The following GABPB2 variants were observed in gnomAD, a reference collection of about 807,000 sequenced individuals.
GABPB2 encodes GA-binding protein subunit beta-2.
In GABPB2, 23 loss-of-function variants were observed where a neutral mutation model predicts 39.1. The ratio of observed to expected loss-of-function variants is 0.59; its 90% CI spans 0.42 to 0.83. The LOEUF (loss-of-function observed/expected upper bound fraction) is 0.83, where lower values mean the gene tolerates loss of function less well. GABPB2 is among the 40% of genes least tolerant of loss of function. The probability of loss-of-function intolerance (pLI) is 0.00; values close to 1 mark genes in which losing one functional copy is unlikely to be tolerated. For synonymous variants in GABPB2, 184 were observed against 199.3 expected (o/e 0.92, Z 0.65); for missense variants, 467 against 541.1 (o/e 0.86, Z 1.36).
chr1:151,108,867 C>T (rs2101552659), intron 7 of GABPB2, among the ~76,000 whole-genome samples: 1 of 152,258 alleles, frequency 6.6e-6, no homozygotes, highest in Admixed American at 6.6e-5. Flanking sequence ...CCCATCATTA[C>T]AACTCCATGC....
chr1:151,094,731 G>T (rs1678979772), intron 4 of GABPB2, among the ~76,000 whole-genome samples: 1 of 150,586 alleles, frequency 6.6e-6, no homozygotes, highest in African/African-American at 2.4e-5. Flanking sequence ...CATGGGCCAG[G>T]CGTGGTGGCT....
intron 1 of GABPB2, among the ~76,000 whole-genome samples, chr1:151,086,289 C>T (rs1310597642): frequency 1.3e-5 from 2 of 152,024 alleles, no homozygotes; most frequent in Non-Finnish European, 1.5e-5. Flanking sequence ...TTTTGTCACA[C>T]ATAAATTATA....
At chr1:151,074,322 T>C (rs1208806722) in intron 1 of GABPB2, among the ~76,000 whole-genome samples, 5 of 145,074 alleles carry the variant, frequency 3.4e-5, no homozygotes, top group Non-Finnish European at 7.6e-5. Flanking sequence ...TTTTTTTTTT[T>C]TTTTTCCAGA....
intron 1 of GABPB2, among the ~76,000 whole-genome samples, chr1:151,083,806 A>G (rs1437716501): frequency 1.3e-5 from 2 of 150,660 alleles, no homozygotes; most frequent in East Asian, 1.9e-4. Context: ...CCTTGGTGCA[A>G]TCTTGGCTCA....
intron 1 of GABPB2, among the ~76,000 whole-genome samples, chr1:151,082,975 CA>C (rs751689061): frequency 0.14 from 16,010 of 116,588 alleles, 917 homozygotes; most frequent in Non-Finnish European, 0.17. Flanking sequence ...GACCCTGTCT[CA>C]AAAAAAAAAA....
chr1:151,094,043 CTTTTTT>C (rs59092942), intron 4 of GABPB2, among the ~76,000 whole-genome samples: 3 of 54,014 alleles, frequency 5.6e-5, no homozygotes, highest in African/African-American at 7.5e-5. Context: ...TGATTTCGTC[CTTTTTT>C]TTTTTTTTTT....
In GABPB2 at chr1:151,107,074, C is replaced by G; in HGVS notation, c.774C>G (p.Asp258Glu). Reference sequence around the variant, plus strand: ...AAATTATAGAAGGAAATTCCGTTGACTCATCAATCCAGCAAGTAATGGGGA... The same window carrying G: ...AAATTATAGAAGGAAATTCCGTTGAGTCATCAATCCAGCAAGTAATGGGGA... ...TEEIIEGNSV[D>E]SSIQQVMGSG... Residue 258 changes from aspartate (D) to glutamate (E), a missense_variant, in exon 7 of 9, where the codon GAC (aspartate) becomes GAG (glutamate). By Grantham distance (45) the Asp-to-Glu change is conservative (BLOSUM62 2). Coordinates refer to ENST00000368918, the MANE Select transcript of GABPB2 (RefSeq NM_144618.3). The G allele has an allele frequency of 1.2e-6, 2 of 1,610,680 alleles. No individual in the cohort carries two copies. The highest frequency in any genetic ancestry group is 1.7e-6 in the Non-Finnish European group (2 of 1,178,816).
intron 7 of GABPB2, among the ~76,000 whole-genome samples, chr1:151,114,246 C>T (rs1233651447): frequency 6.6e-6 from 1 of 151,688 alleles, no homozygotes; most frequent in Non-Finnish European, 1.5e-5. Flanking sequence ...GTCCCAGCTA[C>T]TTGGGAGGGT....
At chr1:151,082,806 C>A (rs1396098821) in intron 1 of GABPB2, among the ~76,000 whole-genome samples, 1 of 151,414 alleles carries the variant, frequency 6.6e-6, no homozygotes, top group African/African-American at 2.4e-5. Context: ...CAAAACTGCA[C>A]CTCTACAAAA....
chr1:151,097,792 A>AC (rs1679207636), intron 4 of GABPB2, 60 bp from the exon 5 acceptor site: 1 of 1,523,264 alleles, frequency 6.6e-7, no homozygotes, highest in Non-Finnish European at 8.9e-7. Flanking sequence ...AAAAAAAAAG[A>AC]AAGACAGAAA....
intron 1 of GABPB2, among the ~76,000 whole-genome samples, chr1:151,080,572 G>A (rs1465779466): frequency 6.6e-6 from 1 of 150,512 alleles, no homozygotes; most frequent in African/African-American, 2.4e-5. Flanking sequence ...TTTAGGCCAG[G>A]TACAGTGGCT....
intron 1 of GABPB2, among the ~76,000 whole-genome samples, chr1:151,077,097 A>G (rs899273618): frequency 6.6e-6 from 1 of 152,140 alleles, no homozygotes; most frequent in African/African-American, 2.4e-5. Flanking sequence ...TATAAAGTGC[A>G]GCAAGAATAA....
chr1:151,103,705 C>T, intron 6 of GABPB2, 30 bp downstream of exon 6: 2 of 1,392,958 alleles, frequency 1.4e-6, no homozygotes, highest in Admixed American at 1.7e-5. Context: ...CTGGGTGAAT[C>T]ACCACTTTTT....
chr1:151,101,570 G>A (rs769306099), intron 5 of GABPB2, among the ~76,000 whole-genome samples: 24 of 150,880 alleles, frequency 1.6e-4, no homozygotes, highest in African/African-American at 5.1e-4. Flanking sequence ...GCAAAACTCC[G>A]TCTCAAAAAA....
chr1:151,103,235 G>A (rs2101536372), intron 5 of GABPB2, among the ~76,000 whole-genome samples: 1 of 151,560 alleles, frequency 6.6e-6, no homozygotes, highest in East Asian at 1.9e-4. Context: ...ATTTTTAGTA[G>A]AGACGGGGTT....
intron 1 of GABPB2, chr1:151,073,275 G>T (rs1483380594): frequency 1.3e-5 from 2 of 152,156 alleles, no homozygotes; most frequent in Non-Finnish European, 2.9e-5. Flanking sequence ...TCCTGCTTTG[G>T]CTTCCCAAAG....
At chr1:151,078,750 C>T (rs1213908417) in intron 1 of GABPB2, among the ~76,000 whole-genome samples, 3 of 152,004 alleles carry the variant, frequency 2.0e-5, no homozygotes, top group African/African-American at 7.2e-5. Context: ...AGTGATTCTC[C>T]TGCCTCAGCC....
chr1:151,101,865 CT>C (rs914023945), intron 5 of GABPB2, among the ~76,000 whole-genome samples: 1 of 152,064 alleles, frequency 6.6e-6, no homozygotes, highest in Non-Finnish European at 1.5e-5. Context: ...TTGAGTAATA[CT>C]TTTTTTCCCC....
In GABPB2 at chr1:151,121,903, G is replaced by A. The variant is rs1681196979; in HGVS notation, c.*3647G>A. The stretch of plus-strand genomic sequence containing the variant: ...TTGCTTGCTTTGTTATAAATTAGAA[G>A]AAACCAGAGGGAGATGTGCCAAGTA... On this transcript the variant is annotated 3_prime_UTR_variant, in exon 9 of 9. Transcript: ENST00000368918. The A allele has an allele frequency of 6.6e-6, 1 of 152,178 alleles. No homozygotes were observed. Among genetic ancestry groups the A allele is most frequent in the Admixed American group, 6.5e-5 (1 of 15,272 alleles). The allele number at this position is 152,178 out of a possible 1,614,324, so 9.4% of individuals were successfully genotyped here.
Sources: gnomAD v4.1 joint callset for allele counts (sites outside exome capture counted in the v4.1 genomes callset) on GRCh38, gnomAD v4.1.1 for gene constraint, MANE v1.5 for transcripts, NCBI Gene and HGNC (gene_info 2026-07-23, HGNC 2026-07-21) for gene names.